DIS3L2: variants seen among roughly 807,000 people sequenced by gnomAD.
DIS3L2 encodes DIS3 like 3'-5' exoribonuclease 2, also known as DIS3-like exonuclease 2.
A neutral mutation model predicts 97.5 loss-of-function variants in DIS3L2; 34 were observed. The ratio of observed to expected loss-of-function variants is 0.35; its 90% CI spans 0.27 to 0.46. The LOEUF is 0.46. Among genes scored for constraint, DIS3L2 ranks in the 20% least tolerant of loss-of-function variants. DIS3L2 has a pLI of 1.00. For synonymous variants in DIS3L2, 435 were observed against 445.2 expected (o/e 0.98, Z 0.29); for missense variants, 1,038 against 1,146.0 (o/e 0.91, Z 1.36).
chr2:232,081,486 CT>C (rs11314611), intron 5 of DIS3L2, among the ~76,000 whole-genome samples: 95,525 of 149,198 alleles, frequency 0.64, 31,018 homozygotes, highest in East Asian at 0.72. Flanking sequence ...TACCGAAAGC[CT>C]TTTTTTTTTT....
chr2:232,078,661 A>G (rs1696289272), intron 5 of DIS3L2, among the ~76,000 whole-genome samples: 1 of 152,204 alleles, frequency 6.6e-6, no homozygotes, highest in African/African-American at 2.4e-5. Context: ...CCATTTATTC[A>G]TCAAACATTG....
chr2:232,050,444 ATTTT>A (rs766372087), intron 5 of DIS3L2, among the ~76,000 whole-genome samples: 1 of 136,506 alleles, frequency 7.3e-6, no homozygotes, highest in Non-Finnish European at 1.6e-5. Flanking sequence ...TAATCTTTGT[ATTTT>A]TTTTTTTTTT....
chr2:232,304,007 G>A (rs995574347), intron 14 of DIS3L2, among the ~76,000 whole-genome samples: 1 of 152,148 alleles, frequency 6.6e-6, no homozygotes, highest in Non-Finnish European at 1.5e-5. Context: ...AGAAGAAAGA[G>A]AGAAGCTGTC....
chr2:232,261,514 G>A (rs1693711357), intron 12 of DIS3L2, among the ~76,000 whole-genome samples: 1 of 152,196 alleles, frequency 6.6e-6, no homozygotes, highest in African/African-American at 2.4e-5. Flanking sequence ...AGATGTTGCT[G>A]TTTGAGTAGC....
At chr2:232,057,617 G>C (rs1035746779) in intron 5 of DIS3L2, among the ~76,000 whole-genome samples, 3 of 152,064 alleles carry the variant, frequency 2.0e-5, no homozygotes, top group Admixed American at 2.0e-4. Flanking sequence ...CCAGGCTTCC[G>C]TTAGGACCCT....
intron 8 of DIS3L2, among the ~76,000 whole-genome samples, chr2:232,157,957 C>T (rs1690542941): frequency 6.6e-6 from 1 of 152,158 alleles, no homozygotes; most frequent in Non-Finnish European, 1.5e-5. Context: ...ATAGTTATAC[C>T]CTGTCTGGAC....
Position 232,097,924 on chromosome 2 carries a change from C to T in DIS3L2, c.601+10203C>T, listed in dbSNP as rs116021364. ...CCCATGGCATGCTACTTGAGTATCA[C>T]GGCTGGTTATTCAGGATCGGATGGC... On this transcript the variant is annotated intron_variant, in intron 6 of 20. Coordinates refer to ENST00000325385, the MANE Select transcript of DIS3L2 (RefSeq NM_152383.5). Among the ~76,000 whole-genome samples the T allele has an allele frequency of 2.8e-3, 428 of 152,314 alleles. 1 individual carries two copies. The highest frequency in any genetic ancestry group is 4.7e-3 in the Non-Finnish European group (318 of 68,032).
At chr2:232,161,673 G>A (rs777235318) in intron 8 of DIS3L2, among the ~76,000 whole-genome samples, 13 of 152,070 alleles carry the variant, frequency 8.5e-5, no homozygotes, top group Non-Finnish European at 1.6e-4. Flanking sequence ...GTTTCACCAC[G>A]TTGGCCAGGC....
At chr2:232,250,636 T>C (rs192799393) in intron 12 of DIS3L2, among the ~76,000 whole-genome samples, 3 of 152,258 alleles carry the variant, frequency 2.0e-5, no homozygotes, top group Non-Finnish European at 2.9e-5. Context: ...GCCCCTCCTA[T>C]AACTTAGTGG....
intron 9 of DIS3L2, among the ~76,000 whole-genome samples, chr2:232,203,122 T>A (rs4973508): frequency 0.67 from 101,997 of 152,176 alleles, 35,777 homozygotes; most frequent in East Asian, 0.89. Flanking sequence ...GCTGATTTCT[T>A]TATAAACTGT....
At chr2:232,038,863 A>C (rs934427475) in intron 5 of DIS3L2, among the ~76,000 whole-genome samples, 1 of 152,166 alleles carries the variant, frequency 6.6e-6, no homozygotes, top group African/African-American at 2.4e-5. Flanking sequence ...TTAAAACTGA[A>C]TACAACAAAG....
At chr2:232,065,156 A>T (rs1181855781) in intron 5 of DIS3L2, among the ~76,000 whole-genome samples, 2 of 152,100 alleles carry the variant, frequency 1.3e-5, no homozygotes, top group Non-Finnish European at 2.9e-5. Context: ...TTTTAAGTGC[A>T]TGGTATTTTT....
chr2:232,262,194 C>G (rs1055669663), intron 12 of DIS3L2, among the ~76,000 whole-genome samples: 11 of 152,146 alleles, frequency 7.2e-5, no homozygotes, highest in Admixed American at 3.3e-4. Flanking sequence ...CCCACCTCCC[C>G]CAACCGCCCT....
chr2:232,119,588 G>C (rs1224516998), intron 6 of DIS3L2, among the ~76,000 whole-genome samples: 1 of 152,206 alleles, frequency 6.6e-6, no homozygotes, highest in East Asian at 1.9e-4. Flanking sequence ...TAAAACTTCA[G>C]TAGAGAAATT....
intron 9 of DIS3L2, among the ~76,000 whole-genome samples, chr2:232,197,984 A>G (rs935540381): frequency 4.0e-5 from 6 of 151,838 alleles, no homozygotes; most frequent in African/African-American, 1.5e-4. Flanking sequence ...AAAAAAAAGA[A>G]AAGTCTGGAA....
intron 9 of DIS3L2, among the ~76,000 whole-genome samples, chr2:232,185,003 G>A (rs923884174): frequency 1.3e-5 from 2 of 151,994 alleles, no homozygotes; most frequent in African/African-American, 2.4e-5. Flanking sequence ...CTGTTCTCCC[G>A]AGGCAGTCTG....
At chr2:232,200,196 GA>G (rs1468012043) in intron 9 of DIS3L2, among the ~76,000 whole-genome samples, 1 of 152,174 alleles carries the variant, frequency 6.6e-6, no homozygotes, top group East Asian at 1.9e-4. Flanking sequence ...TTCAGTTGGG[GA>G]TGTCAATATG....
At chr2:232,102,229 G>T (rs1303804307) in intron 6 of DIS3L2, among the ~76,000 whole-genome samples, 1 of 152,186 alleles carries the variant, frequency 6.6e-6, no homozygotes, top group Non-Finnish European at 1.5e-5. Context: ...CACCAAGGGA[G>T]AAATAATAAG....
chr2:232,009,693 G>A (rs1243440330), intron 1 of DIS3L2, among the ~76,000 whole-genome samples: 1 of 152,190 alleles, frequency 6.6e-6, no homozygotes, highest in Non-Finnish European at 1.5e-5. Flanking sequence ...GGAATGAGCA[G>A]CTTGCTGTGG....
Sources: allele counts gnomAD v4.1 joint callset (sites outside exome capture counted in the v4.1 genomes callset), GRCh38; gene constraint gnomAD v4.1.1; transcripts MANE v1.5; gene names NCBI Gene and HGNC (gene_info 2026-07-23, HGNC 2026-07-21).